NRG3: variants seen among roughly 807,000 people sequenced by gnomAD.
NRG3 encodes the protein pro-neuregulin-3, membrane-bound isoform.
Under a neutral mutation model 66.9 loss-of-function variants are expected in NRG3, and 31 were observed. The observed-to-expected ratio is 0.46, with a 90% confidence interval of 0.35 to 0.63. The LOEUF (loss-of-function observed/expected upper bound fraction) is 0.63. Ranked by LOEUF, NRG3 falls within the 20% of genes least tolerant of loss-of-function variation. NRG3 has a pLI of 0.00. For synonymous variants in NRG3, 393 were observed against 359.4 expected (o/e 1.09, Z -1.06); for missense variants, 910 against 878.9 (o/e 1.04, Z -0.45).
At chr10:82,673,031 G>A (rs755608394) in intron 2 of NRG3, among the ~76,000 whole-genome samples, 7 of 152,200 alleles carry the variant, frequency 4.6e-5, no homozygotes, top group Non-Finnish European at 1.0e-4. Flanking sequence ...GATTACAGGC[G>A]TGAGCCACCG....
chr10:82,515,930 A>T (rs1984222), intron 2 of NRG3, among the ~76,000 whole-genome samples: 62,263 of 152,034 alleles, frequency 0.41, 15,284 homozygotes, highest in African/African-American at 0.68. Flanking sequence ...GGACACAGGA[A>T]CAGGGCTGAT....
At chr10:82,283,225 C>CA (rs1312067510) in intron 1 of NRG3, among the ~76,000 whole-genome samples, 1 of 152,050 alleles carries the variant, frequency 6.6e-6, no homozygotes, top group Non-Finnish European at 1.5e-5. Context: ...GGAATCAAAT[C>CA]ACTTCAGAAG....
chr10:82,262,861 G>A (rs1289045095), intron 1 of NRG3, among the ~76,000 whole-genome samples: 1 of 152,072 alleles, frequency 6.6e-6, no homozygotes, highest in East Asian at 1.9e-4. Flanking sequence ...GAGTTAAAAA[G>A]CTTGTCCAAA....
chr10:82,034,391 C>T (rs571894374), intron 1 of NRG3, among the ~76,000 whole-genome samples: 10 of 152,218 alleles, frequency 6.6e-5, no homozygotes, highest in South Asian at 4.1e-4. Context: ...CCGCAAGATG[C>T]ATCCTGCAAA....
chr10:82,508,782 A>G (rs774180517), intron 2 of NRG3, among the ~76,000 whole-genome samples: 2 of 152,178 alleles, frequency 1.3e-5, no homozygotes, highest in Non-Finnish European at 2.9e-5. Flanking sequence ...CTTCCAGGCA[A>G]ATCAGTATAA....
intron 2 of NRG3, among the ~76,000 whole-genome samples, chr10:82,372,609 T>G (rs2084957130): frequency 6.6e-6 from 1 of 152,214 alleles, no homozygotes; most frequent in South Asian, 2.1e-4. Flanking sequence ...ATGTATTTAT[T>G]TATCCTGAGA....
In NRG3 at chr10:82,726,147, T is replaced by G. The variant is rs143515181; in HGVS notation, c.954-12430T>G. ...GCACCTGAATCTTGGACTCCTAGTC[T>G]CCAGAAATTTGGGAAAATAAATATC... On this transcript the variant is annotated intron_variant, in intron 2 of 8. Transcript: ENST00000372141. Among the ~76,000 whole-genome samples the G allele has an allele frequency of 5.0e-4, 76 of 152,274 alleles. No individual in the cohort carries two copies. The East Asian group carries it at 0.013, about 26-fold the overall frequency.
At chr10:81,877,413 T>C (rs1245473493) in intron 1 of NRG3, among the ~76,000 whole-genome samples, 3 of 152,168 alleles carry the variant, frequency 2.0e-5, no homozygotes, top group African/African-American at 7.2e-5. Flanking sequence ...TTATATTGTA[T>C]TTGTGTTTTG....
intron 2 of NRG3, among the ~76,000 whole-genome samples, chr10:82,444,114 T>G (rs895611072): frequency 2.0e-5 from 3 of 152,254 alleles, no homozygotes; most frequent in Non-Finnish European, 4.4e-5. Context: ...TGTTTGTTTT[T>G]GTTTTTGAGA....
chr10:82,541,044 A>G (rs2043505922), intron 2 of NRG3, among the ~76,000 whole-genome samples: 1 of 152,128 alleles, frequency 6.6e-6, no homozygotes, highest in East Asian at 1.9e-4. Flanking sequence ...TCTGCAAGCC[A>G]AGGAGTGAAT....
At chr10:82,676,031 G>A (rs1340224313) in intron 2 of NRG3, among the ~76,000 whole-genome samples, 2 of 152,124 alleles carry the variant, frequency 1.3e-5, no homozygotes, top group African/African-American at 4.8e-5. Context: ...TCAGGGAGGT[G>A]TATTCTCATT....
At chr10:82,906,108 T>G (rs1383917973) in intron 4 of NRG3, among the ~76,000 whole-genome samples, 1 of 152,220 alleles carries the variant, frequency 6.6e-6, no homozygotes, top group African/African-American at 2.4e-5. Context: ...CATACTGCTC[T>G]AGAACTTTCT....
intron 3 of NRG3, among the ~76,000 whole-genome samples, chr10:82,862,677 T>C (rs1029117097): frequency 5.3e-5 from 8 of 152,066 alleles, no homozygotes; most frequent in African/African-American, 1.9e-4. Context: ...GACAAACAAG[T>C]TTGTTGCACC....
In NRG3 at chr10:82,799,522, G is replaced by A. The variant is rs568928802; in HGVS notation, c.1027+60872G>A. 2.9e-3 allele frequency among the ~76,000 whole-genome samples: 269 copies of A among 93,522 alleles called. 3 individuals are homozygous for A. Among genetic ancestry groups the A allele is most frequent in the African/African-American group, 0.014 (243 of 17,852 alleles). The allele number at this position is 93,522 out of a possible 152,430, so 61.4% of individuals were successfully genotyped here. On this transcript the variant is annotated intron_variant, in intron 3 of 8. Coordinates refer to ENST00000372141, the MANE Select transcript of NRG3 (RefSeq NM_001010848.4). ...GCCTGGGTGACAAGAGCGAAATTCC[G>A]TCTCAAAAAAAAAAAAAAAAGACAT... is the stretch of plus-strand genomic sequence containing the variant.
intron 2 of NRG3, among the ~76,000 whole-genome samples, chr10:82,575,876 C>T (rs1485292272): frequency 6.6e-6 from 1 of 151,672 alleles, no homozygotes; most frequent in Non-Finnish European, 1.5e-5. Context: ...AACAATTTCT[C>T]ATGCATGAGT....
At chr10:82,397,620 A>G (rs2086797075) in intron 2 of NRG3, among the ~76,000 whole-genome samples, 3 of 152,178 alleles carry the variant, frequency 2.0e-5, no homozygotes, top group Admixed American at 2.0e-4. Flanking sequence ...TCTAAATGCC[A>G]GGGTTTTAAA....
chr10:82,836,446 C>T (rs550580234), intron 3 of NRG3, among the ~76,000 whole-genome samples: 63 of 152,268 alleles, frequency 4.1e-4, no homozygotes, highest in South Asian at 2.3e-3. Context: ...TGGATGTATA[C>T]GCTTACAAAT....
Position 81,877,657 on chromosome 10 carries a change from A to G in NRG3, c.823+1494A>G, listed in dbSNP as rs546352244. The G allele has an allele frequency of 7.2e-6, 9 of 1,245,778 alleles. No individual in the cohort carries two copies. In the South Asian group the frequency reaches 1.7e-4, roughly 23 times the overall value. The allele number at this position is 1,245,778 out of a possible 1,614,324, so 77.2% of individuals were successfully genotyped here. A position where few individuals can be genotyped will look rare whatever the true frequency, so the allele number is the denominator to read the frequency against. On this transcript the variant is annotated intron_variant, in intron 1 of 8. Transcript: ENST00000372141. ...AAAAAGCAAACCTACTTTGCTTTGG[A>G]AAAAACCGTCTAGAAGATAAATTGG...
chr10:82,050,896 T>C (rs2063561267), intron 1 of NRG3, among the ~76,000 whole-genome samples: 1 of 150,304 alleles, frequency 6.7e-6, no homozygotes, highest in Non-Finnish European at 1.5e-5. Flanking sequence ...CACGTCCTCA[T>C]GCGTATCCAG....
Sources: gnomAD v4.1 joint callset for allele counts (sites outside exome capture counted in the v4.1 genomes callset) on GRCh38, gnomAD v4.1.1 for gene constraint, MANE v1.5 for transcripts, NCBI Gene and HGNC (gene_info 2026-07-23, HGNC 2026-07-21) for gene names.